CLSTN2: variants seen among roughly 807,000 people sequenced by gnomAD.
CLSTN2 encodes the protein calsyntenin-2.
A neutral mutation model predicts 101.2 loss-of-function variants in CLSTN2; 48 were observed. The ratio of observed to expected loss-of-function variants is 0.47; its 90% CI spans 0.38 to 0.60. CLSTN2 has a LOEUF of 0.60. CLSTN2 is among the 20% of genes least tolerant of loss of function. The pLI is 0.00. For missense variants in CLSTN2, 1,160 were observed against 1,238.2 expected (o/e 0.94, Z 0.95); for synonymous variants, 481 against 463.6 (o/e 1.04, Z -0.48).
intron 2 of CLSTN2, among the ~76,000 whole-genome samples, chr3:140,357,783 A>G (rs538734553): frequency 1.3e-5 from 2 of 151,018 alleles, no homozygotes; most frequent in South Asian, 2.1e-4. Flanking sequence ...TTTAGATGCT[A>G]TCATCTTCAG....
chr3:140,293,784 C>T (rs75056613), intron 2 of CLSTN2, among the ~76,000 whole-genome samples: 2,889 of 152,234 alleles, frequency 0.019, 76 homozygotes, highest in African/African-American at 0.064. Flanking sequence ...CATTGATGGG[C>T]ACCTCTGATG....
chr3:140,000,391 C>T (rs1268592895), intron 1 of CLSTN2, among the ~76,000 whole-genome samples: 2 of 152,246 alleles, frequency 1.3e-5, no homozygotes, highest in East Asian at 3.9e-4. Context: ...AGACCAGTGC[C>T]TGGCACATAG....
chr3:140,047,765 T>C (rs746415906), intron 1 of CLSTN2, among the ~76,000 whole-genome samples: 85 of 152,212 alleles, frequency 5.6e-4, no homozygotes, highest in Non-Finnish European at 8.2e-4. Context: ...CCACCACTCC[T>C]GTTCCCACCA....
chr3:140,104,489 A>G (rs986230628), intron 1 of CLSTN2, among the ~76,000 whole-genome samples: 1 of 152,232 alleles, frequency 6.6e-6, no homozygotes, highest in Non-Finnish European at 1.5e-5. Context: ...GCCATTGGCT[A>G]AGACTATAGT....
At chr3:140,405,407 A>G (rs745808791) in intron 4 of CLSTN2, among the ~76,000 whole-genome samples, 15 of 152,080 alleles carry the variant, frequency 9.9e-5, no homozygotes, top group Non-Finnish European at 1.3e-4. Context: ...TTGTATTTTT[A>G]GTGGAGATGG....
At chr3:140,440,809 T>C (rs1259618390) in intron 5 of CLSTN2, among the ~76,000 whole-genome samples, 1 of 152,206 alleles carries the variant, frequency 6.6e-6, no homozygotes, top group African/African-American at 2.4e-5. Flanking sequence ...AAACTGCGGC[T>C]CAGAAAGATT....
At chr3:140,188,063 G>T (rs2107834908) in intron 2 of CLSTN2, among the ~76,000 whole-genome samples, 1 of 152,250 alleles carries the variant, frequency 6.6e-6, no homozygotes, top group Non-Finnish European at 1.5e-5. Context: ...TTGTCTATTT[G>T]TGAGCCTGCC....
At chr3:140,267,372 C>A (rs970434010) in intron 2 of CLSTN2, among the ~76,000 whole-genome samples, 2 of 152,156 alleles carry the variant, frequency 1.3e-5, no homozygotes, top group African/African-American at 4.8e-5. Context: ...TGTAGAATGC[C>A]TCTGTCCTAG....
Position 140,027,675 on chromosome 3 carries a change from C to T in CLSTN2, c.109+92192C>T, listed in dbSNP as rs138372595. 7.0e-3 allele frequency among the ~76,000 whole-genome samples: 1,072 copies of T among 152,290 alleles called. 13 individuals carry two copies. Among genetic ancestry groups the T allele is most frequent in the African/African-American group, 0.023 (940 of 41,560 alleles). On this transcript the variant is annotated intron_variant, in intron 1 of 16. Coordinates refer to ENST00000458420, the MANE Select transcript of CLSTN2 (RefSeq NM_022131.3). ...CTGGAGTTCAGGTCTGCTGTCTGCT[C>T]ATGAGTGAGCTTTGTGACCATTTAA...
chr3:140,428,780 G>A (rs531138021), intron 5 of CLSTN2, among the ~76,000 whole-genome samples: 7 of 152,262 alleles, frequency 4.6e-5, no homozygotes, highest in African/African-American at 9.6e-5. Context: ...TCTGTTCTTC[G>A]GGTTTTGAAT....
At chr3:140,322,452 C>T (rs1441304380) in intron 2 of CLSTN2, among the ~76,000 whole-genome samples, 2 of 152,148 alleles carry the variant, frequency 1.3e-5, no homozygotes, top group Non-Finnish European at 2.9e-5. Flanking sequence ...AAATGTGACG[C>T]AGAGCAAGAG....
chr3:140,236,863 G>GTA (rs1553724586), intron 2 of CLSTN2, among the ~76,000 whole-genome samples: 3 of 119,302 alleles, frequency 2.5e-5, no homozygotes, highest in African/African-American at 1.1e-4. Context: ...GTGTGTGTGT[G>GTA]TATATAAATT....
Position 139,936,862 on chromosome 3 carries a change from AT to A in CLSTN2, c.109+1387del, listed in dbSNP as rs11440605. The stretch of plus-strand genomic sequence containing the variant: ...AGCAGGCATTCTGTTTCTTTTCAGC[AT>A]TTTTTTTCTTGGTGTATCTTTGACA... On this transcript the variant is annotated intron_variant, in intron 1 of 16. Coordinates refer to ENST00000458420, the MANE Select transcript of CLSTN2 (RefSeq NM_022131.3). Among the ~76,000 whole-genome samples the A allele has an allele frequency of 2.0e-5, 3 of 151,408 alleles. No homozygotes were observed. In the East Asian group the frequency reaches 5.8e-4, roughly 29 times the overall value.
chr3:140,453,059 A>T (rs184397229), intron 6 of CLSTN2, among the ~76,000 whole-genome samples: 2 of 152,340 alleles, frequency 1.3e-5, no homozygotes, highest in African/African-American at 4.8e-5. Context: ...TGTGACATTA[A>T]CAACAGCCCA....
chr3:140,465,260 C>A (rs957048223), intron 7 of CLSTN2, among the ~76,000 whole-genome samples: 1 of 152,176 alleles, frequency 6.6e-6, no homozygotes, highest in African/African-American at 2.4e-5. Flanking sequence ...CAGATCTGTG[C>A]CTGTAAGTGT....
chr3:140,030,034 G>A (rs955877491), intron 1 of CLSTN2, among the ~76,000 whole-genome samples: 2 of 152,146 alleles, frequency 1.3e-5, no homozygotes, highest in Non-Finnish European at 2.9e-5. Flanking sequence ...CTTTGCTTTT[G>A]TTCAGTGATA....
intron 2 of CLSTN2, among the ~76,000 whole-genome samples, chr3:140,233,062 C>T (rs2086385027): frequency 6.6e-6 from 1 of 152,010 alleles, no homozygotes; most frequent in Non-Finnish European, 1.5e-5. Context: ...TTCAGTGCAC[C>T]CTATTACCCT....
intron 2 of CLSTN2, among the ~76,000 whole-genome samples, chr3:140,320,732 A>G (rs932006913): frequency 6.6e-6 from 1 of 152,212 alleles, no homozygotes; most frequent in African/African-American, 2.4e-5. Context: ...TACAGGAACA[A>G]GTTCATTGTT....
At chr3:140,180,522 T>C (rs1180676287) in intron 2 of CLSTN2, among the ~76,000 whole-genome samples, 1 of 152,182 alleles carries the variant, frequency 6.6e-6, no homozygotes, top group Non-Finnish European at 1.5e-5. Context: ...GTCCGCTGCA[T>C]GGCAAAAAAT....
Sources: allele counts gnomAD v4.1 joint callset (sites outside exome capture counted in the v4.1 genomes callset), GRCh38; gene constraint gnomAD v4.1.1; transcripts MANE v1.5; gene names NCBI Gene and HGNC (gene_info 2026-07-23, HGNC 2026-07-21).